The following REL variants were observed in gnomAD, a reference collection of about 807,000 sequenced individuals.
The protein encoded by REL is REL proto-oncogene, NF-kB subunit.
REL carries 15 observed loss-of-function variants against 45.9 expected under a neutral mutation model. That is an observed-to-expected ratio of 0.33 (90% CI 0.22 to 0.50). The LOEUF is 0.50. Ranked by LOEUF, REL falls within the 20% of genes least tolerant of loss-of-function variation. The pLI, the probability that REL is intolerant of heterozygous loss-of-function variation, is 0.98. For synonymous variants in REL, 239 were observed against 242.1 expected (o/e 0.99, Z 0.12); for missense variants, 601 against 715.2 (o/e 0.84, Z 1.82).
chr2:60,884,099 CAAAA>C (rs199826692), intron 1 of REL, among the ~76,000 whole-genome samples: 1 of 66,710 alleles, frequency 1.5e-5, no homozygotes, highest in Admixed American at 1.6e-4. Flanking sequence ...GAAGAGTGAC[CAAAA>C]AAAAAAAAAA....
chr2:60,914,884 A>G (rs1673920556), intron 4 of REL, among the ~76,000 whole-genome samples: 1 of 139,106 alleles, frequency 7.2e-6, no homozygotes, highest in Non-Finnish European at 1.5e-5. Context: ...CCCAGGCTGG[A>G]GTGCAGTGGC....
rs553087655 is a variant in REL at position 60,881,834 on chromosome 2, C to T, written c.-7C>T. ...GCTGCCTGCGGGAAGGTGCGGGGAG[C>T]GGAGCCATGGCCTCCGGTGAGTGTT... On this transcript the variant is annotated 5_prime_UTR_variant, in exon 1 of 10. Transcript: ENST00000394479. The T allele has an allele frequency of 3.4e-5, 52 of 1,517,984 alleles. No homozygotes were observed. Among genetic ancestry groups the T allele is most frequent in the Non-Finnish European group, 4.4e-5 (50 of 1,133,924 alleles). 94.0% of individuals were successfully genotyped at this position (1,517,984 alleles called of 1,614,324 possible). A position where few individuals can be genotyped will look rare whatever the true frequency, so the allele number is the denominator to read the frequency against.
Position 60,894,527 on chromosome 2 carries a change from A to G in REL, c.284A>G (p.Gln95Arg). 1 of 1,603,246 alleles carries G rather than the reference A, an allele frequency of 6.2e-7. No individual in the cohort carries two copies. Among genetic ancestry groups the G allele is most frequent in the Non-Finnish European group, 8.5e-7 (1 of 1,175,052 alleles). ...GGCTACTATGAAGCAGAATTTGGACAAGAACGCAGACCTTTGTTGTAAGTA... is the reference window on the plus strand; with the variant it reads ...GGCTACTATGAAGCAGAATTTGGACGAGAACGCAGACCTTTGTTGTAAGTA... ...RDGYYEAEFG[Q>R]ERRPLFFQNL... Residue 95 changes from glutamine (Q) to arginine (R), a missense_variant, in exon 3 of 10, where the codon CAA becomes CGA. Around this residue, in one of 4 missense-constraint regions of REL, gnomAD observed 241 missense variants for 347.0 expected, o/e 0.69. Transcript: ENST00000394479.
chr2:60,911,515 ATC>A (rs1474013639), intron 4 of REL: 1 of 152,232 alleles, frequency 6.6e-6, no homozygotes, highest in African/African-American at 2.4e-5. Flanking sequence ...ATATTTCCAT[ATC>A]TCAGCAGCAA....
At chr2:60,914,290 A>T (rs905230052) in intron 4 of REL, among the ~76,000 whole-genome samples, 1 of 152,194 alleles carries the variant, frequency 6.6e-6, no homozygotes, top group Non-Finnish European at 1.5e-5. Flanking sequence ...ATCTGTCATG[A>T]TTCTTGCCTG....
At chr2:60,899,671 T>G (rs1170268713) in intron 3 of REL, 1 of 152,246 alleles carries the variant, frequency 6.6e-6, no homozygotes. Flanking sequence ...ACAATAGTAA[T>G]GTTATTATAA....
In REL at chr2:60,918,272, T is replaced by C; in HGVS notation, c.617T>C (p.Leu206Pro). ...GSVRGGDEIF[L>P]LCDKVQKDDI... ...GTCAGAGGAGGAGATGAAATATTTCTACTTTGTGACAAAGTTCAGAAAGGT... is the reference window on the plus strand; with the variant it reads ...GTCAGAGGAGGAGATGAAATATTTCCACTTTGTGACAAAGTTCAGAAAGGT... Residue 206 changes from leucine (L) to proline (P), a missense_variant, in exon 6 of 10, where the codon CTA becomes CCA. This residue lies in a region of REL where 241 missense variants were observed against 347.0 expected (regional missense o/e 0.69). Transcript: ENST00000394479. The C allele has an allele frequency of 6.2e-7, 1 of 1,601,322 alleles. No homozygotes were observed. The highest frequency in any genetic ancestry group is 8.5e-7 in the Non-Finnish European group (1 of 1,170,324).
At chr2:60,897,309 T>A (rs532070120) in intron 3 of REL, among the ~76,000 whole-genome samples, 3 of 151,786 alleles carry the variant, frequency 2.0e-5, no homozygotes, top group African/African-American at 7.2e-5. Context: ...TTTTCTTTTT[T>A]TTTTTCCTTT....
intron 4 of REL, among the ~76,000 whole-genome samples, chr2:60,909,692 A>G (rs1010555880): frequency 6.6e-6 from 1 of 152,000 alleles, no homozygotes; most frequent in South Asian, 2.1e-4. Flanking sequence ...CACGAGGTCA[A>G]GAGATACAGA....
chr2:60,922,864 T>A lies in REL; in HGVS notation c.*329T>A, dbSNP rs1324567821. The stretch of plus-strand genomic sequence containing the variant: ...TTCGAGACCAGCCTGGCCAACATGG[T>A]GAAACCCCGTCTCTACTAAAAATAC... On this transcript the variant is annotated 3_prime_UTR_variant, in exon 10 of 10. Coordinates refer to ENST00000394479, the MANE Select transcript of REL (RefSeq NM_001291746.2). The A allele has an allele frequency of 3.4e-6, 1 of 290,638 alleles. No individual in the cohort carries two copies. Among genetic ancestry groups the A allele is most frequent in the Non-Finnish European group, 5.3e-6 (1 of 188,236 alleles). The allele number at this position is 290,638 out of a possible 1,614,324, so 18.0% of individuals were successfully genotyped here.
intron 2 of REL, among the ~76,000 whole-genome samples, chr2:60,892,684 C>T (rs1456115906): frequency 6.6e-6 from 1 of 151,992 alleles, no homozygotes; most frequent in Non-Finnish European, 1.5e-5. Context: ...CCCATCTCGG[C>T]CTCCCAAAGC....
chr2:60,882,236 C>T (rs893239197), intron 1 of REL, among the ~76,000 whole-genome samples: 2 of 152,184 alleles, frequency 1.3e-5, no homozygotes, highest in South Asian at 4.1e-4. Flanking sequence ...CTCTCTCCCC[C>T]TTTTTAGTTT....
At chr2:60,901,229 C>G in intron 4 of REL, 146 bp downstream of exon 4, 1 of 1,044,138 alleles carries the variant, frequency 9.6e-7, no homozygotes, top group Non-Finnish European at 1.3e-6. Flanking sequence ...GATCTCAGCT[C>G]ACTGCAACCT....
In REL at chr2:60,929,730, TAGTG is replaced by T. The variant is rs1425171397; in HGVS notation, c.*7196_*7199del. ...ATATACCTAATGCTAGATGACGAGT[TAGTG>T]GGTGCAGTGCACCAGCATGGCACAT... On this transcript the variant is annotated 3_prime_UTR_variant, in exon 10 of 10. Coordinates refer to ENST00000394479, the MANE Select transcript of REL (RefSeq NM_001291746.2). 6.8e-6 allele frequency: 1 copy of T among 148,086 alleles called. No homozygotes were observed. Among genetic ancestry groups the T allele is most frequent in the Non-Finnish European group, 1.5e-5 (1 of 66,910 alleles). The allele number at this position is 148,086 out of a possible 1,614,324, so 9.2% of individuals were successfully genotyped here. A position where few individuals can be genotyped will look rare whatever the true frequency, so the allele number is the denominator to read the frequency against.
At position 60,925,274 on chromosome 2, in the gene REL, C is replaced by T. The variant is rs756032423; in HGVS notation, c.*2739C>T. On this transcript the variant is annotated 3_prime_UTR_variant, in exon 10 of 10. Transcript: ENST00000394479. ...ATAACTTTACATAAACTAGTCGTTTCGGTCAAATAGAAAAATGTGTGAATG... is the reference window on the plus strand; with the variant it reads ...ATAACTTTACATAAACTAGTCGTTTTGGTCAAATAGAAAAATGTGTGAATG... 7 of 194,584 alleles carry T rather than the reference C, an allele frequency of 3.6e-5. No individual in the cohort carries two copies. The highest frequency in any genetic ancestry group is 5.4e-5 in the Non-Finnish European group (5 of 93,456). The allele number at this position is 194,584 out of a possible 1,614,324, so 12.1% of individuals were successfully genotyped here. A position where few individuals can be genotyped will look rare whatever the true frequency, so the allele number is the denominator to read the frequency against.
chr2:60,910,279 CAG>C (rs1473459189), intron 4 of REL, among the ~76,000 whole-genome samples: 2 of 151,828 alleles, frequency 1.3e-5, no homozygotes, highest in Non-Finnish European at 2.9e-5. Context: ...TCCTGGCTAA[CAG>C]GGTGAAACTC....
rs1039890265 is a variant in REL, at chr2:60,929,564, C to T, written c.*7029C>T. On this transcript the variant is annotated 3_prime_UTR_variant, in exon 10 of 10. Coordinates refer to ENST00000394479, the MANE Select transcript of REL (RefSeq NM_001291746.2). Reference sequence around the variant, plus strand: ...GAAAACATCATTCTCAGTAAACTATCGCAAGAACAAGAAACCAAACACCAC... The same window carrying T: ...GAAAACATCATTCTCAGTAAACTATTGCAAGAACAAGAAACCAAACACCAC... 65 of 151,262 alleles carry T rather than the reference C, an allele frequency of 4.3e-4. No individual in the cohort carries two copies. The highest frequency in any genetic ancestry group is 1.6e-3 in the African/African-American group (64 of 41,172). 9.4% of individuals were successfully genotyped at this position (151,262 alleles called of 1,614,324 possible). A position where few individuals can be genotyped will look rare whatever the true frequency, so the allele number is the denominator to read the frequency against.
At chr2:60,905,678 C>A (rs1253967405) in intron 4 of REL, among the ~76,000 whole-genome samples, 8 of 151,954 alleles carry the variant, frequency 5.3e-5, no homozygotes, top group Non-Finnish European at 1.0e-4. Context: ...GAGACCGAGA[C>A]AAGTTTTAGA....
At chr2:60,910,322 G>A (rs893269855) in intron 4 of REL, among the ~76,000 whole-genome samples, 15 of 151,660 alleles carry the variant, frequency 9.9e-5, no homozygotes, top group Non-Finnish European at 1.6e-4. Flanking sequence ...AAAATTAGCC[G>A]GGCATGGTGG....
Sources: allele counts gnomAD v4.1 joint callset (sites outside exome capture counted in the v4.1 genomes callset), GRCh38; gene constraint gnomAD v4.1.1; regional missense constraint gnomAD v4.1.1; transcripts MANE v1.5; gene names NCBI Gene and HGNC (gene_info 2026-07-23, HGNC 2026-07-21).